PDE8B: variants seen among roughly 807,000 people sequenced by gnomAD.
The protein encoded by PDE8B is phosphodiesterase 8B, also known as high affinity cAMP-specific and IBMX-insensitive 3',5'-cyclic phosphodiesterase 8B.
Under a neutral mutation model 101.3 loss-of-function variants are expected in PDE8B, and 26 were observed. The observed-to-expected ratio is 0.26, with a 90% CI of 0.19 to 0.36. The LOEUF is 0.36. Ranked by LOEUF, PDE8B falls within the 10% of genes least tolerant of loss-of-function variation. The pLI is 1.00. For missense variants in PDE8B, 810 were observed against 1,163.1 expected (o/e 0.70, Z 4.42); for synonymous variants, 424 against 429.3 (o/e 0.99, Z 0.15).
chr5:77,200,671 C>T, the PDE8B span, among the ~76,000 whole-genome samples: 2 of 152,264 alleles, frequency 1.3e-5, no homozygotes, highest in South Asian at 2.1e-4. Flanking sequence ...GAGTAAGTAG[C>T]ATTAACATCA....
At chr5:77,185,726 C>T in the PDE8B span, among the ~76,000 whole-genome samples, 1 of 152,116 alleles carries the variant, frequency 6.6e-6, no homozygotes, top group South Asian at 2.1e-4. Context: ...CTCCTGTCCC[C>T]CCACCCCCTG....
intron 1 of PDE8B, among the ~76,000 whole-genome samples, chr5:77,280,445 T>A (rs1764742750): frequency 6.6e-6 from 1 of 152,202 alleles, no homozygotes; most frequent in South Asian, 2.1e-4. Flanking sequence ...GAAAAATAGT[T>A]TTTAAAAAGG....
At chr5:77,394,330 AAG>A (rs921293454) in intron 10 of PDE8B, among the ~76,000 whole-genome samples, 67 of 152,292 alleles carry the variant, frequency 4.4e-4, no homozygotes, top group Middle Eastern at 3.4e-3. Context: ...CTAGGGAAAA[AAG>A]AGGCTCTCTG....
intron 11 of PDE8B, among the ~76,000 whole-genome samples, chr5:77,401,482 C>T (rs1273199224): frequency 6.6e-6 from 1 of 152,162 alleles, no homozygotes; most frequent in Non-Finnish European, 1.5e-5. Flanking sequence ...AGTACAGTTT[C>T]CACCATTTAT....
At chr5:77,100,850 C>T in the PDE8B span, among the ~76,000 whole-genome samples, 2 of 151,644 alleles carry the variant, frequency 1.3e-5, no homozygotes, top group Admixed American at 6.6e-5. Context: ...TGTTTACAAA[C>T]TTTTTGCCAA....
intron 10 of PDE8B, among the ~76,000 whole-genome samples, chr5:77,378,406 C>T (rs1786730977): frequency 7.8e-6 from 1 of 128,104 alleles, no homozygotes; most frequent in East Asian, 2.5e-4. Context: ...TTGCAGTGAA[C>T]TGAGATCGCG....
chr5:77,208,821 G>C (rs963309989), upstream of PDE8B, among the ~76,000 whole-genome samples: 1 of 152,180 alleles, frequency 6.6e-6, no homozygotes, highest in African/African-American at 2.4e-5. Flanking sequence ...TGCATGTAAA[G>C]ACTGGTCCAT....
At chr5:77,345,772 G>C (rs558686498) in intron 7 of PDE8B, among the ~76,000 whole-genome samples, 1 of 152,200 alleles carries the variant, frequency 6.6e-6, no homozygotes, top group South Asian at 2.1e-4. Context: ...TTGCCTGCCT[G>C]CTGTTGGTTT....
At chr5:77,286,745 C>A (rs1170064903) in intron 1 of PDE8B, among the ~76,000 whole-genome samples, 2 of 152,116 alleles carry the variant, frequency 1.3e-5, no homozygotes, top group Non-Finnish European at 2.9e-5. Flanking sequence ...TTATATTATA[C>A]CCACCTATTC....
chr5:77,291,775 C>G, intron 1 of PDE8B: 2 of 1,579,616 alleles, frequency 1.3e-6, no homozygotes, highest in South Asian at 1.1e-5. Context: ...AAAGACTTTC[C>G]TCTGGCCCAA....
chr5:77,164,688 G>T, the PDE8B span, among the ~76,000 whole-genome samples: 1 of 152,182 alleles, frequency 6.6e-6, no homozygotes, highest in Non-Finnish European at 1.5e-5. Flanking sequence ...TCCCAGACTT[G>T]CATTGGAGTT....
At chr5:77,332,129 G>A (rs1777252034) in intron 5 of PDE8B, among the ~76,000 whole-genome samples, 2 of 152,080 alleles carry the variant, frequency 1.3e-5, no homozygotes, top group Non-Finnish European at 2.9e-5. Context: ...ACTTAAAAGA[G>A]AAGAAAGAGA....
At chr5:77,397,663 A>G (rs1791358593) in intron 10 of PDE8B, among the ~76,000 whole-genome samples, 1 of 152,172 alleles carries the variant, frequency 6.6e-6, no homozygotes, top group Non-Finnish European at 1.5e-5. Context: ...ACTGGCTTCA[A>G]GGTGTCAGTA....
the PDE8B span, among the ~76,000 whole-genome samples, chr5:77,170,452 G>T: frequency 6.6e-6 from 1 of 152,156 alleles, no homozygotes; most frequent in Non-Finnish European, 1.5e-5. Context: ...CTCGGGAGAG[G>T]GAGCAGTTCT....
intron 10 of PDE8B, among the ~76,000 whole-genome samples, chr5:77,389,499 C>T (rs918970090): frequency 2.6e-5 from 4 of 152,202 alleles, no homozygotes; most frequent in Admixed American, 6.5e-5. Flanking sequence ...AAGCTGCAGA[C>T]GGGAGCTGTT....
At chr5:77,341,440 G>T (rs972169807) in intron 6 of PDE8B, among the ~76,000 whole-genome samples, 9 of 152,164 alleles carry the variant, frequency 5.9e-5, no homozygotes, top group African/African-American at 2.2e-4. Flanking sequence ...CATGTATAAA[G>T]GCAACCTCTT....
In PDE8B at chr5:77,305,837, C is replaced by T. The variant is rs561961182; in HGVS notation, c.340-6157C>T. On this transcript the variant is annotated intron_variant, in intron 1 of 21. Coordinates refer to ENST00000264917, the MANE Select transcript of PDE8B (RefSeq NM_003719.5). ...CATTTAAAAGTGCCTATTTCTGTGC[C>T]CACAGCTGGTGTCTTTTCAGTGTGA... Among the ~76,000 whole-genome samples the T allele has an allele frequency of 2.9e-4, 44 of 152,256 alleles. 1 individual carries two copies. The South Asian group carries it at 9.1e-3, about 32-fold the overall frequency.
intron 10 of PDE8B, among the ~76,000 whole-genome samples, chr5:77,375,205 CCTT>C (rs988196565): frequency 3.3e-5 from 5 of 152,140 alleles, no homozygotes; most frequent in African/African-American, 1.2e-4. Flanking sequence ...TCCTGCCCAT[CCTT>C]CTCTTCTGAG....
chr5:77,329,909 C>T (rs1776793889), intron 4 of PDE8B, among the ~76,000 whole-genome samples: 2 of 152,186 alleles, frequency 1.3e-5, no homozygotes, highest in African/African-American at 4.8e-5. Flanking sequence ...GTGGATACAA[C>T]AGGAAATCAT....
Sources: gnomAD v4.1 joint callset for allele counts (sites outside exome capture counted in the v4.1 genomes callset) on GRCh38, gnomAD v4.1.1 for gene constraint, MANE v1.5 for transcripts, NCBI Gene and HGNC (gene_info 2026-07-23, HGNC 2026-07-21) for gene names.